Variants in CLCN1 observed in about 807,000 individuals in gnomAD.
CLCN1 encodes the protein chloride voltage-gated channel 1.
Under a neutral mutation model 114.5 loss-of-function variants are expected in CLCN1, and 100 were observed. The ratio of observed to expected loss-of-function variants is 0.87; its 90% CI spans 0.74 to 1.03. The LOEUF is 1.03. Among genes scored for constraint, CLCN1 ranks in the 50% least tolerant of loss-of-function variants. CLCN1 has a pLI of 0.00. For missense variants in CLCN1, 1,188 were observed against 1,250.0 expected, an observed-to-expected ratio of 0.95 and a Z score of 0.75; for synonymous variants, 485 against 487.1, an observed-to-expected ratio of 1.00 and a Z score of 0.06.
In CLCN1 at chr7:143,351,635, G is replaced by C. The variant is rs1210107414; in HGVS notation, c.2637G>C (p.Gln879His). The C allele has an allele frequency of 6.2e-7, 1 of 1,614,056 alleles. No individual in the cohort carries two copies. Among genetic ancestry groups the C allele is most frequent in the Non-Finnish European group, 8.5e-7 (1 of 1,180,036 alleles). ...AGGGGCACACCAAGTCTGGGGTGCA[G>C]CTCCGCCCTCCCCTTGCCAGCTTCC... ...AIEGHTKSGVQLRPPLASFRN... is the reference protein window; with the variant it reads ...AIEGHTKSGVHLRPPLASFRN... Residue 879 changes from glutamine to histidine, a missense_variant, in exon 23 of 23, where the codon CAG becomes CAC. By Grantham distance (24) the Gln-to-His change is conservative. Coordinates refer to ENST00000343257, the MANE Select transcript of CLCN1 (RefSeq NM_000083.3).
rs1802436784 is a variant in CLCN1, at chr7:143,321,616, C to A, written c.563-99C>A. 6.2e-7 allele frequency: 1 copy of A among 1,601,690 alleles called. No individual in the cohort carries two copies. Among genetic ancestry groups the A allele is most frequent in the African/African-American group, 1.3e-5 (1 of 74,650 alleles). On this transcript the variant is annotated intron_variant, in intron 4 of 22. Coordinates refer to ENST00000343257, the MANE Select transcript of CLCN1 (RefSeq NM_000083.3). This position sits in a 1 kb window ranked among gnomAD's most constrained non-coding sequence, Gnocchi z 4.2. ...CCTTGCCCCATCCTCCCCACCACTG[C>A]CTCTTCAGCCCTCTCCAATTCCCAT...
rs536747353 is a variant in CLCN1, at chr7:143,344,338, G to A, written c.1931-1183G>A. On this transcript the variant is annotated intron_variant, in intron 16 of 22. Coordinates refer to ENST00000343257, the MANE Select transcript of CLCN1 (RefSeq NM_000083.3). ...GAATTCTATATACCCAGAGTGCCTT[G>A]TTATAGGTATCTACTAGATATTAAA... Among the ~76,000 whole-genome samples, 305 of 152,230 alleles carry A rather than the reference G, an allele frequency of 2.0e-3. 1 individual carries two copies. Among genetic ancestry groups the A allele is most frequent in the African/African-American group, 7.2e-3 (299 of 41,524 alleles).
At chr7:143,331,992 C>A (rs953110263) in intron 10 of CLCN1, among the ~76,000 whole-genome samples, 21 of 152,102 alleles carry the variant, frequency 1.4e-4, no homozygotes, top group African/African-American at 4.8e-4. Flanking sequence ...ACACGACCAG[C>A]TAATTTTTGT....
At chr7:143,347,620 C>CAAAAAA (rs57147641) in intron 20 of CLCN1, among the ~76,000 whole-genome samples, 4 of 94,978 alleles carry the variant, frequency 4.2e-5, no homozygotes, top group African/African-American at 7.7e-5. Context: ...GACTTTGCCT[C>CAAAAAA]AAAAAAAAAA....
intron 7 of CLCN1, among the ~76,000 whole-genome samples, chr7:143,325,654 G>A (rs1802554911): frequency 6.6e-6 from 1 of 152,158 alleles, no homozygotes; most frequent in Non-Finnish European, 1.5e-5. Flanking sequence ...TCAAATCCAG[G>A]AGGTTTAAAT....
At chr7:143,325,020 C>T (rs186614492) in intron 7 of CLCN1, among the ~76,000 whole-genome samples, 8 of 152,232 alleles carry the variant, frequency 5.3e-5, no homozygotes, top group East Asian at 1.9e-4. Context: ...GATAAATGTC[C>T]CTTGATAGCA....
In CLCN1 at chr7:143,321,290, C is replaced by G; in HGVS notation, c.434-75C>G. 1 of 1,570,168 alleles carries G rather than the reference C, an allele frequency of 6.4e-7. No homozygotes were observed. Among genetic ancestry groups the G allele is most frequent in the Non-Finnish European group, 8.7e-7 (1 of 1,148,398 alleles). On this transcript the variant is annotated intron_variant, in intron 3 of 22. Transcript: ENST00000343257. The surrounding 1 kb of genome is among the most constrained non-coding windows in gnomAD (Gnocchi z 4.2). ...GAAGGAGCACGGCCTGAGAACATGC[C>G]GGGTACACGTCCTGGTGCCGTGGAC...
At chr7:143,330,142 T>C (rs1802682965) in intron 7 of CLCN1, among the ~76,000 whole-genome samples, 1 of 152,140 alleles carries the variant, frequency 6.6e-6, no homozygotes, top group Non-Finnish European at 1.5e-5. Context: ...TAAGTCGGGT[T>C]TTTAGTATTA....
intron 1 of CLCN1, among the ~76,000 whole-genome samples, chr7:143,319,182 G>C (rs1276150119): frequency 1.7e-4 from 26 of 152,180 alleles, no homozygotes; most frequent in Admixed American, 1.6e-3. Flanking sequence ...GCCTTTTCGG[G>C]CTAGTTCTTG....
intron 7 of CLCN1, among the ~76,000 whole-genome samples, chr7:143,330,434 C>T (rs1231284466): frequency 1.3e-5 from 2 of 152,102 alleles, no homozygotes; most frequent in East Asian, 3.8e-4. Flanking sequence ...CTTTTAGTCC[C>T]TGTGGGTATC....
intron 20 of CLCN1, among the ~76,000 whole-genome samples, chr7:143,348,778 G>A (rs919682012): frequency 3.3e-5 from 5 of 152,212 alleles, no homozygotes; most frequent in South Asian, 2.1e-4. Flanking sequence ...GTTTCTAACC[G>A]GTACCGAGCT....
chr7:143,331,733 G>A, intron 10 of CLCN1, 81 bp downstream of exon 10: 1 of 951,520 alleles, frequency 1.1e-6, no homozygotes, highest in African/African-American at 1.6e-5. Context: ...CTTTGGGGAA[G>A]GCATTAAATG....
chr7:143,352,001 A>T lies in CLCN1; in HGVS notation c.*36A>T. 1 of 1,612,084 alleles carries T rather than the reference A, an allele frequency of 6.2e-7. No homozygotes were observed. Among genetic ancestry groups the T allele is most frequent in the Non-Finnish European group, 8.5e-7 (1 of 1,179,930 alleles). On this transcript the variant is annotated 3_prime_UTR_variant, in exon 23 of 23. Coordinates refer to ENST00000343257, the MANE Select transcript of CLCN1 (RefSeq NM_000083.3). ...CGACCTCCTCATAAAGACCGTGGAG[A>T]GGCCCAGCCTGAGGGTGAACTTGTG...
rs932464328 is a variant in CLCN1, at chr7:143,345,771, G to A, written c.2172+9G>A. On this transcript the variant is annotated intron_variant, in intron 17 of 22. Transcript: ENST00000343257. ...TCTCTGGCAAGAGCGAGGTGACCGC[G>A]CCGGGAAGGGCTAGGGAGTGGGATA... 7 of 1,607,330 alleles carry A rather than the reference G, an allele frequency of 4.4e-6. No homozygotes were observed. The African/African-American group carries it at 5.3e-5, about 12-fold the overall frequency.
Position 143,332,782 on chromosome 7 carries a change from C to A in CLCN1, c.1310C>A (p.Ala437Glu). ...LFDNNTWVKH[A>E]GDPESLGQSA... is the part of the protein sequence containing the mutation. ...GACAACAATACATGGGTGAAACACGCGGGTGATCCTGAGAGCCTGGGCCAG... is the reference window on the plus strand; with the variant it reads ...GACAACAATACATGGGTGAAACACGAGGGTGATCCTGAGAGCCTGGGCCAG... The change falls in exon 12 of 23, where the codon GCG becomes GAG. Residue 437 changes from alanine to glutamate, a missense_variant. Physicochemically the swap from Ala to Glu is moderately radical, Grantham distance 107 (BLOSUM62 -1). Transcript: ENST00000343257. 1.9e-6 allele frequency: 3 copies of A among 1,614,068 alleles called. No individual in the cohort carries two copies. The highest frequency in any genetic ancestry group is 2.5e-6 in the Non-Finnish European group (3 of 1,179,956).
intron 12 of CLCN1, among the ~76,000 whole-genome samples, chr7:143,334,849 A>G (rs1440989306): frequency 6.6e-6 from 1 of 152,196 alleles, no homozygotes; most frequent in Non-Finnish European, 1.5e-5. Context: ...CATTTTTATC[A>G]TGAAAGAAGT....
Position 143,342,460 on chromosome 7 carries a change from C to T in CLCN1, c.1885C>T (p.Leu629Phe). The T allele has an allele frequency of 6.2e-7, 1 of 1,614,090 alleles. No homozygotes were observed. The highest frequency in any genetic ancestry group is 8.5e-7 in the Non-Finnish European group (1 of 1,180,010). The change falls in exon 16 of 23, where the codon CTC becomes TTC. Residue 629 changes from leucine (L) to phenylalanine (F), a missense_variant. Coordinates refer to ENST00000343257, the MANE Select transcript of CLCN1 (RefSeq NM_000083.3). ...CACATATGGGGAGTTGCGAACCCTG[C>T]TCCAGACCACCACAGTCAAGACTTT... ...SYTYGELRTL[L>F]QTTTVKTLPL...
intron 7 of CLCN1, among the ~76,000 whole-genome samples, chr7:143,326,802 A>G (rs1432274671): frequency 6.6e-6 from 1 of 151,930 alleles, no homozygotes; most frequent in East Asian, 1.9e-4. Context: ...AATTATGAAG[A>G]CTCTCATGGC....
At chr7:143,332,618 G>C (rs909955627) in intron 11 of CLCN1, 106 bp from the exon 12 acceptor site, 140 of 1,537,090 alleles carry the variant, frequency 9.1e-5, no homozygotes, top group Non-Finnish European at 1.2e-4. Context: ...CCTGAGAAAA[G>C]GGCAAAAGAG....
Sources: gnomAD v4.1 joint callset for allele counts (sites outside exome capture counted in the v4.1 genomes callset) on GRCh38, gnomAD v4.1.1 for gene constraint, Gnocchi (gnomAD v3.1) non-coding constraint, MANE v1.5 for transcripts, NCBI Gene and HGNC (gene_info 2026-07-23, HGNC 2026-07-21) for gene names.